The following TBCA variants were observed in gnomAD, a reference collection of about 807,000 sequenced individuals.
TBCA encodes tubulin folding cofactor A.
TBCA carries 6 observed loss-of-function variants against 15.8 expected under a neutral mutation model. That is an observed-to-expected ratio of 0.38 (90% CI 0.21 to 0.75). The LOEUF (loss-of-function observed/expected upper bound fraction) is 0.75. Ranked by LOEUF, TBCA falls within the 30% of genes least tolerant of loss-of-function variation. The pLI is 0.46. For synonymous variants in TBCA, 32 were observed against 42.3 expected (o/e 0.76, Z 0.94); for missense variants, 90 against 131.2 (o/e 0.69, Z 1.53).
intron 3 of TBCA, 50 bp downstream of exon 3, chr5:77,693,216 T>C (rs374718590): frequency 2.5e-5 from 40 of 1,599,216 alleles, no homozygotes; most frequent in Middle Eastern, 3.3e-4. Flanking sequence ...GCTTTCCATG[T>C]ATTGGATTGA....
intron 1 of TBCA, among the ~76,000 whole-genome samples, chr5:77,753,970 G>A (rs1747416851): frequency 6.6e-6 from 1 of 152,046 alleles, no homozygotes; most frequent in South Asian, 2.1e-4. Context: ...TGGCCACGCT[G>A]GTCTCGAACT....
chr5:77,776,299 G>C lies in TBCA; in HGVS notation c.-42C>G. The C allele has an allele frequency of 6.4e-7, 1 of 1,559,126 alleles. No homozygotes were observed. Among genetic ancestry groups the C allele is most frequent in the Non-Finnish European group, 8.7e-7 (1 of 1,152,382 alleles). The stretch of plus-strand genomic sequence containing the variant: ...CGAGAAGGAGGGGCGGAGAGCCGGG[G>C]TAACCGTGGAGGGCGACGCGCAGAG... On this transcript the variant is annotated 5_prime_UTR_variant, in exon 1 of 4. Transcript: ENST00000380377.
intron 1 of TBCA, among the ~76,000 whole-genome samples, chr5:77,765,881 CAAAAAAAAAA>C (rs70997944): frequency 7.7e-6 from 1 of 130,410 alleles, no homozygotes; most frequent in Non-Finnish European, 1.6e-5. Context: ...AAACTAGGGC[CAAAAAAAAAA>C]AAAAAAAAAG....
intron 2 of TBCA, among the ~76,000 whole-genome samples, chr5:77,704,821 A>G (rs1406903306): frequency 6.6e-6 from 1 of 152,258 alleles, no homozygotes; most frequent in Non-Finnish European, 1.5e-5. Context: ...TGACAACAGA[A>G]GCAAACAGAA....
chr5:77,734,263 T>C (rs1325335749), intron 1 of TBCA, among the ~76,000 whole-genome samples: 1 of 152,254 alleles, frequency 6.6e-6, no homozygotes, highest in Non-Finnish European at 1.5e-5. Context: ...TTAAGTCTTA[T>C]TATTTAAGAA....
At chr5:77,708,037 A>AAAACC in intron 2 of TBCA, among the ~76,000 whole-genome samples, 1 of 152,164 alleles carries the variant, frequency 6.6e-6, no homozygotes, top group Middle Eastern at 3.2e-3. Context: ...AAAACAAAAC[A>AAAACC]AAACCTCAGC....
chr5:77,692,922 T>C, intron 3 of TBCA: 1 of 1,242,714 alleles, frequency 8.0e-7, no homozygotes, highest in Non-Finnish European at 1.0e-6. Flanking sequence ...TTTTAAAATT[T>C]TAATCAGTCA....
At chr5:77,770,971 T>A (rs1239986829) in intron 1 of TBCA, among the ~76,000 whole-genome samples, 1 of 151,706 alleles carries the variant, frequency 6.6e-6, no homozygotes, top group Non-Finnish European at 1.5e-5. Context: ...TACTAAAAAA[T>A]ACAAAAATTA....
chr5:77,757,972 G>T (rs1050838032), intron 1 of TBCA, among the ~76,000 whole-genome samples: 4 of 152,180 alleles, frequency 2.6e-5, no homozygotes, highest in Non-Finnish European at 5.9e-5. Flanking sequence ...TCAGAAGAAA[G>T]AATTCGACTG....
chr5:77,742,180 T>C (rs1365591265), intron 1 of TBCA, among the ~76,000 whole-genome samples: 2 of 152,192 alleles, frequency 1.3e-5, no homozygotes, highest in African/African-American at 4.8e-5. Context: ...TGGCATTATA[T>C]AATACTTAGC....
chr5:77,775,912 G>A (rs1748011524), intron 1 of TBCA, among the ~76,000 whole-genome samples: 1 of 152,126 alleles, frequency 6.6e-6, no homozygotes, highest in Admixed American at 6.5e-5. Context: ...GCAGGCCGCG[G>A]CCCACCACCT....
chr5:77,763,638 A>G (rs760477905), intron 1 of TBCA, among the ~76,000 whole-genome samples: 6 of 152,136 alleles, frequency 3.9e-5, no homozygotes, highest in Non-Finnish European at 8.8e-5. Context: ...AGCTCTCCAG[A>G]TCTCTTCCCA....
chr5:77,741,569 T>C (rs1747032267), intron 1 of TBCA, among the ~76,000 whole-genome samples: 1 of 149,720 alleles, frequency 6.7e-6, no homozygotes, highest in Non-Finnish European at 1.5e-5. Flanking sequence ...AAAAAATAGA[T>C]TTTTTTAAAA....
intron 1 of TBCA, among the ~76,000 whole-genome samples, chr5:77,714,575 A>C (rs192366934): frequency 6.7e-6 from 1 of 148,926 alleles, no homozygotes; most frequent in Non-Finnish European, 1.5e-5. Flanking sequence ...TATTATTATT[A>C]TTTTTTTTTG....
chr5:77,711,984 A>G (rs1252008925), intron 1 of TBCA, among the ~76,000 whole-genome samples: 1 of 152,088 alleles, frequency 6.6e-6, no homozygotes, highest in Non-Finnish European at 1.5e-5. Flanking sequence ...AAAAAAAAAA[A>G]TCAGTCAGTT....
intron 1 of TBCA, among the ~76,000 whole-genome samples, chr5:77,756,914 T>C (rs1747489706): frequency 6.6e-6 from 1 of 152,196 alleles, no homozygotes; most frequent in Non-Finnish European, 1.5e-5. Context: ...GTTCGAGTCA[T>C]TAAAAGCCTT....
chr5:77,750,101 G>GT (rs1361926989), intron 1 of TBCA, among the ~76,000 whole-genome samples: 1 of 151,316 alleles, frequency 6.6e-6, no homozygotes, highest in Non-Finnish European at 1.5e-5. Context: ...CTGTTTCACC[G>GT]TATACCTCTT....
chr5:77,700,406 C>G (rs1161306579), intron 2 of TBCA, among the ~76,000 whole-genome samples: 1 of 151,992 alleles, frequency 6.6e-6, no homozygotes, highest in Admixed American at 6.6e-5. Context: ...CCTGATCACT[C>G]ATTTTCACTG....
intron 1 of TBCA, among the ~76,000 whole-genome samples, chr5:77,756,807 G>A (rs972890422): frequency 2.7e-5 from 4 of 149,744 alleles, no homozygotes; most frequent in South Asian, 2.1e-4. Flanking sequence ...AAAGCAGAGC[G>A]TTAGACCTAA....
Sources: gnomAD v4.1 joint callset for allele counts (sites outside exome capture counted in the v4.1 genomes callset) on GRCh38, gnomAD v4.1.1 for gene constraint, MANE v1.5 for transcripts, NCBI Gene and HGNC (gene_info 2026-07-23, HGNC 2026-07-21) for gene names.